GPHN: variants seen among roughly 807,000 people sequenced by gnomAD.
The protein encoded by GPHN is gephyrin.
A neutral mutation model predicts 95.5 loss-of-function variants in GPHN; 17 were observed. The observed-to-expected ratio is 0.18, with a 90% CI of 0.12 to 0.27. The LOEUF is 0.27. GPHN is among the 10% of genes least tolerant of loss of function. The probability of loss-of-function intolerance (pLI) is 1.00; values close to 1 mark genes in which losing one functional copy is unlikely to be tolerated. For missense variants in GPHN, 660 were observed against 978.1 expected, an observed-to-expected ratio of 0.67 and a Z score of 4.34; for synonymous variants, 320 against 322.5, an observed-to-expected ratio of 0.99 and a Z score of 0.08.
At chr14:67,466,267 T>G in the GPHN span, among the ~76,000 whole-genome samples, 2 of 152,238 alleles carry the variant, frequency 1.3e-5, no homozygotes, top group Non-Finnish European at 2.9e-5. Context: ...GATCTCCTTC[T>G]CTGTAATGTT....
intron 4 of GPHN, among the ~76,000 whole-genome samples, chr14:66,845,157 G>A (rs1306885587): frequency 6.6e-6 from 1 of 151,984 alleles, no homozygotes; most frequent in African/African-American, 2.4e-5. Flanking sequence ...TCAGCTTTTA[G>A]CTTTTACAAA....
chr14:67,389,875 T>TA, the GPHN span, among the ~76,000 whole-genome samples: 1 of 152,124 alleles, frequency 6.6e-6, no homozygotes, highest in Non-Finnish European at 1.5e-5. Context: ...CTCCATCCTG[T>TA]AGCCAGGCCA....
chr14:66,619,466 G>A (rs925998351), intron 1 of GPHN, among the ~76,000 whole-genome samples: 1 of 146,752 alleles, frequency 6.8e-6, no homozygotes, highest in African/African-American at 2.5e-5. Flanking sequence ...CTGTTGACTA[G>A]TAATGTTGAA....
chr14:67,169,964 G>C (rs1307091962), intron 21 of GPHN, among the ~76,000 whole-genome samples: 1 of 152,188 alleles, frequency 6.6e-6, no homozygotes, highest in Non-Finnish European at 1.5e-5. Flanking sequence ...TGTAATCCCG[G>C]CTATTCAGGA....
the GPHN span, chr14:67,692,047 G>A: frequency 5.9e-6 from 1 of 169,804 alleles, no homozygotes; most frequent in East Asian, 1.8e-4. Context: ...TCTATACTAT[G>A]GACCAGATGG....
At chr14:66,921,318 A>G (rs1245396384) in intron 6 of GPHN, among the ~76,000 whole-genome samples, 1 of 151,904 alleles carries the variant, frequency 6.6e-6, no homozygotes. Context: ...ATTGTATTGC[A>G]GTTTTGATTT....
the GPHN span, among the ~76,000 whole-genome samples, chr14:67,398,500 A>G: frequency 7.9e-5 from 12 of 152,064 alleles, no homozygotes; most frequent in South Asian, 2.3e-3. Context: ...GCCACCTGAG[A>G]ACCACCTAAA....
At chr14:67,542,024 C>T in the GPHN span, 4 of 1,562,536 alleles carry the variant, frequency 2.6e-6, no homozygotes, top group South Asian at 2.4e-5. Context: ...AGCTGCCTCT[C>T]CACACGCAGA....
At chr14:67,201,050 C>A in the GPHN span, among the ~76,000 whole-genome samples, 6 of 152,262 alleles carry the variant, frequency 3.9e-5, no homozygotes, top group East Asian at 1.2e-3. Context: ...AATCCCAGTA[C>A]TTTGAAAGGA....
the GPHN span, among the ~76,000 whole-genome samples, chr14:67,446,659 G>A: frequency 6.6e-6 from 1 of 152,180 alleles, no homozygotes; most frequent in Non-Finnish European, 1.5e-5. Flanking sequence ...CCCATTCAAC[G>A]TGACATGGCG....
chr14:67,638,092 T>C, the GPHN span, among the ~76,000 whole-genome samples: 1 of 152,234 alleles, frequency 6.6e-6, no homozygotes, highest in Non-Finnish European at 1.5e-5. Context: ...GAAAGCCTCC[T>C]GCTGACCTGG....
At chr14:67,437,691 T>C in the GPHN span, among the ~76,000 whole-genome samples, 1 of 151,592 alleles carries the variant, frequency 6.6e-6, no homozygotes, top group South Asian at 2.1e-4. Flanking sequence ...TGAGATGTAT[T>C]TGGGAGGTTG....
the GPHN span, among the ~76,000 whole-genome samples, chr14:67,663,372 A>G: frequency 6.6e-6 from 1 of 152,126 alleles, no homozygotes; most frequent in Admixed American, 6.6e-5. Flanking sequence ...AAGTTGACAT[A>G]AAGAAAATGT....
At chr14:67,384,321 CCA>C in the GPHN span, 1 of 150,130 alleles carries the variant, frequency 6.7e-6, no homozygotes, top group East Asian at 1.9e-4. Flanking sequence ...ACCTAGAGCT[CCA>C]GTTCTTTATA....
chr14:66,756,139 T>A lies in GPHN; in HGVS notation c.144-20325T>A, dbSNP rs928195675. Among the ~76,000 whole-genome samples the A allele has an allele frequency of 5.3e-5, 8 of 152,182 alleles. No individual in the cohort carries two copies. In the South Asian group the frequency reaches 8.3e-4, roughly 16 times the overall value. ...AGTTTTTGTTGAATATATTCATGAA[T>A]TTGAATGTTTTGCCCTACAAATTAA... On this transcript the variant is annotated intron_variant, in intron 2 of 22. Coordinates refer to ENST00000478722, the MANE Select transcript of GPHN (RefSeq NM_020806.5).
At chr14:67,733,415 C>A in the GPHN span, among the ~76,000 whole-genome samples, 2 of 152,138 alleles carry the variant, frequency 1.3e-5, no homozygotes, top group Non-Finnish European at 2.9e-5. Flanking sequence ...GACTTTGTCA[C>A]CAATAGAATT....
chr14:66,752,399 A>C (rs922534403), intron 2 of GPHN, among the ~76,000 whole-genome samples: 1 of 152,114 alleles, frequency 6.6e-6, no homozygotes, highest in Non-Finnish European at 1.5e-5. Context: ...AAAGTGAGAG[A>C]TATGTGACTC....
chr14:66,913,558 G>T (rs548611352), intron 5 of GPHN, among the ~76,000 whole-genome samples: 1 of 152,170 alleles, frequency 6.6e-6, no homozygotes, highest in African/African-American at 2.4e-5. Context: ...GGCCAGGCTG[G>T]TCTCGAACTC....
chr14:67,633,388 C>T, the GPHN span, among the ~76,000 whole-genome samples: 1 of 152,114 alleles, frequency 6.6e-6, no homozygotes, highest in Non-Finnish European at 1.5e-5. Context: ...TATACTTCAT[C>T]AGAGGTGACA....
Sources: allele counts gnomAD v4.1 joint callset (sites outside exome capture counted in the v4.1 genomes callset), GRCh38; gene constraint gnomAD v4.1.1; transcripts MANE v1.5; gene names NCBI Gene and HGNC (gene_info 2026-07-23, HGNC 2026-07-21).